Variants in AAMDC observed in about 807,000 individuals in gnomAD.
The protein encoded by AAMDC is mth938 domain-containing protein.
In AAMDC, 16 loss-of-function variants were observed where a neutral mutation model predicts 15.5. The observed-to-expected ratio is 1.03, with a 90% CI of 0.70 to 1.57. The LOEUF (loss-of-function observed/expected upper bound fraction) is 1.57. Ranked by LOEUF, AAMDC falls within the 40% of genes most tolerant of loss-of-function variation. AAMDC has a pLI of 0.00. For missense variants in AAMDC, 141 were observed against 144.9 expected, an observed-to-expected ratio of 0.97 and a Z score of 0.14; for synonymous variants, 51 against 51.6, an observed-to-expected ratio of 0.99 and a Z score of 0.05.
downstream of AAMDC, chr11:77,903,642 G>A (rs1952848259): frequency 6.3e-7 from 1 of 1,594,434 alleles, no homozygotes; most frequent in Admixed American, 1.7e-5. Context: ...AATCAGGAGG[G>A]AACAGAATAC....
chr11:77,877,617 G>A (rs1951634569), intron 5 of AAMDC, among the ~76,000 whole-genome samples: 1 of 152,158 alleles, frequency 6.6e-6, no homozygotes, highest in Admixed American at 6.5e-5. Flanking sequence ...AATGAATACA[G>A]GCTTTATTAC....
chr11:77,885,158 A>G (rs1591001585), intron 5 of AAMDC, among the ~76,000 whole-genome samples: 2 of 150,460 alleles, frequency 1.3e-5, no homozygotes, highest in East Asian at 2.0e-4. Context: ...GCTCACTGCA[A>G]CCTCCGCCTC....
intron 2 of AAMDC, among the ~76,000 whole-genome samples, chr11:77,865,347 C>G (rs1329512360): frequency 6.6e-6 from 1 of 152,178 alleles, no homozygotes; most frequent in Non-Finnish European, 1.5e-5. Context: ...ATGTGGATAG[C>G]ACAATTTCAT....
intron 1 of AAMDC, among the ~76,000 whole-genome samples, chr11:77,830,743 A>T (rs1277056698): frequency 6.6e-6 from 1 of 152,128 alleles, no homozygotes; most frequent in Non-Finnish European, 1.5e-5. Flanking sequence ...AAAGACAAAT[A>T]ATTGGCATTT....
At chr11:77,852,945 G>T (rs1950461091) in intron 2 of AAMDC, among the ~76,000 whole-genome samples, 1 of 152,016 alleles carries the variant, frequency 6.6e-6, no homozygotes, top group African/African-American at 2.4e-5. Context: ...AGTCCTAAGG[G>T]ATGGGTACTC....
At chr11:77,886,838 C>T (rs1952035388) in intron 5 of AAMDC, among the ~76,000 whole-genome samples, 1 of 152,098 alleles carries the variant, frequency 6.6e-6, no homozygotes, top group South Asian at 2.1e-4. Context: ...CAACCTGCTC[C>T]TGAATGACTA....
At chr11:77,891,524 A>G in intron 5 of AAMDC, 1 of 1,598,136 alleles carries the variant, frequency 6.3e-7, no homozygotes, top group South Asian at 1.1e-5. Flanking sequence ...GAGAAAACGC[A>G]TCTTTTTTCT....
At chr11:77,861,206 G>A (rs1462374988) in intron 2 of AAMDC, among the ~76,000 whole-genome samples, 1 of 151,984 alleles carries the variant, frequency 6.6e-6, no homozygotes, top group Non-Finnish European at 1.5e-5. Flanking sequence ...ATGTTCAGGT[G>A]TATAATGGCC....
intron 1 of AAMDC, among the ~76,000 whole-genome samples, chr11:77,837,927 G>T (rs1949760117): frequency 6.6e-6 from 1 of 152,108 alleles, no homozygotes; most frequent in Admixed American, 6.5e-5. Flanking sequence ...TACAAAATTA[G>T]CTGGATATGG....
intron 2 of AAMDC, among the ~76,000 whole-genome samples, chr11:77,860,902 A>G (rs947170455): frequency 3.9e-5 from 6 of 152,144 alleles, no homozygotes; most frequent in Admixed American, 3.3e-4. Context: ...GAGATCTTGC[A>G]CTAACGTTCA....
At chr11:77,901,641 G>A, downstream of AAMDC, 1 of 944,708 alleles carries the variant, frequency 1.1e-6, no homozygotes, top group Non-Finnish European at 1.7e-6. Context: ...GACCTTAGGT[G>A]AAACTCTTAA....
intron 2 of AAMDC, among the ~76,000 whole-genome samples, chr11:77,853,216 A>G (rs1390363507): frequency 6.6e-6 from 1 of 152,218 alleles, no homozygotes; most frequent in Non-Finnish European, 1.5e-5. Context: ...GTAAAAGTGA[A>G]CAGTATTTGT....
intron 2 of AAMDC, among the ~76,000 whole-genome samples, chr11:77,865,821 A>T (rs1017204741): frequency 2.0e-5 from 3 of 152,310 alleles, no homozygotes; most frequent in Non-Finnish European, 2.9e-5. Context: ...ATAATCTTAC[A>T]TATCTTCTTT....
At chr11:77,836,385 T>G (rs1164525219) in intron 1 of AAMDC, among the ~76,000 whole-genome samples, 2 of 151,972 alleles carry the variant, frequency 1.3e-5, no homozygotes, top group Non-Finnish European at 2.9e-5. Flanking sequence ...GAGAAAGAGA[T>G]AGCAGGTGTG....
chr11:77,838,516 G>A (rs556609890), intron 1 of AAMDC, among the ~76,000 whole-genome samples: 3 of 151,964 alleles, frequency 2.0e-5, no homozygotes, highest in Admixed American at 2.0e-4. Flanking sequence ...GGACTTGCCA[G>A]CCTCCAAAAT....
intron 5 of AAMDC, among the ~76,000 whole-genome samples, chr11:77,897,583 C>T (rs1952582229): frequency 1.3e-5 from 2 of 151,154 alleles, no homozygotes; most frequent in African/African-American, 4.9e-5. Flanking sequence ...TCACTGCAAG[C>T]TCCACCTCCT....
intron 2 of AAMDC, among the ~76,000 whole-genome samples, chr11:77,847,942 TA>T (rs1440155566): frequency 6.6e-6 from 1 of 152,104 alleles, no homozygotes; most frequent in Non-Finnish European, 1.5e-5. Flanking sequence ...ATGTCCCAGT[TA>T]AAATGGTGAG....
intron 2 of AAMDC, among the ~76,000 whole-genome samples, chr11:77,869,391 C>T (rs1180419830): frequency 6.9e-6 from 1 of 145,476 alleles, no homozygotes; most frequent in Non-Finnish European, 1.5e-5. Flanking sequence ...TGGCTCACTG[C>T]AGCCTCGACC....
At chr11:77,838,620 T>C (rs1488495026) in intron 1 of AAMDC, among the ~76,000 whole-genome samples, 1 of 150,760 alleles carries the variant, frequency 6.6e-6, no homozygotes, top group Non-Finnish European at 1.5e-5. Flanking sequence ...AGTACCTTTT[T>C]TTTTTTTTTT....
Sources: gnomAD v4.1 joint callset for allele counts (sites outside exome capture counted in the v4.1 genomes callset) on GRCh38, gnomAD v4.1.1 for gene constraint, MANE v1.5 for transcripts, NCBI Gene and HGNC (gene_info 2026-07-23, HGNC 2026-07-21) for gene names.